Variants in AFG1L observed in about 807,000 individuals in gnomAD.
AFG1L encodes AFG1-like ATPase.
Under a neutral mutation model 62.2 loss-of-function variants are expected in AFG1L, and 53 were observed. The ratio of observed to expected loss-of-function variants is 0.85; its 90% CI spans 0.68 to 1.07. The LOEUF (loss-of-function observed/expected upper bound fraction) is 1.07. Among genes scored for constraint, AFG1L ranks in the 50% least tolerant of loss-of-function variants. AFG1L has a pLI of 0.00. For missense variants in AFG1L, 555 were observed against 590.5 expected, an observed-to-expected ratio of 0.94 and a Z score of 0.62; for synonymous variants, 228 against 210.3, an observed-to-expected ratio of 1.08 and a Z score of -0.73.
chr6:108,374,824 G>C (rs889022551), intron 6 of AFG1L, among the ~76,000 whole-genome samples: 1 of 152,016 alleles, frequency 6.6e-6, no homozygotes, highest in Admixed American at 6.6e-5. Flanking sequence ...GCTCCTTTTT[G>C]GTTCCATATG....
At chr6:108,517,532 C>T (rs570826348) in intron 11 of AFG1L, among the ~76,000 whole-genome samples, 1 of 152,286 alleles carries the variant, frequency 6.6e-6, no homozygotes, top group East Asian at 1.9e-4. Context: ...AAATGTCAGA[C>T]CTAAAACCAT....
intron 1 of AFG1L, among the ~76,000 whole-genome samples, chr6:108,298,972 C>T (rs149856860): frequency 1.7e-4 from 26 of 152,064 alleles, no homozygotes; most frequent in African/African-American, 6.0e-4. Flanking sequence ...ATAGAATTAA[C>T]ATACTTGGCC....
rs1775288497 is a variant in AFG1L, at chr6:108,525,460, A to G, written c.*3035A>G. The G allele has an allele frequency of 6.6e-6, 1 of 152,248 alleles. No individual in the cohort carries two copies. The highest frequency in any genetic ancestry group is 1.5e-5 in the Non-Finnish European group (1 of 68,034). The allele number at this position is 152,248 out of a possible 1,614,324, so 9.4% of individuals were successfully genotyped here. A position where few individuals can be genotyped will look rare whatever the true frequency, so the allele number is the denominator to read the frequency against. On this transcript the variant is annotated 3_prime_UTR_variant, in exon 13 of 13. Coordinates refer to ENST00000368977, the MANE Select transcript of AFG1L (RefSeq NM_145315.5). ...GGCAATACTTTTATCTTCTTAAAGT[A>G]TATTTCCTGTACTTATAAGTGTGCA...
intron 7 of AFG1L, among the ~76,000 whole-genome samples, chr6:108,428,788 G>A (rs1408412171): frequency 6.6e-6 from 1 of 152,026 alleles, no homozygotes; most frequent in Admixed American, 6.6e-5. Flanking sequence ...TTCAACTTTT[G>A]ATGAGATTAT....
intron 6 of AFG1L, among the ~76,000 whole-genome samples, chr6:108,374,516 T>C (rs1316154809): frequency 6.6e-6 from 1 of 152,064 alleles, no homozygotes; most frequent in African/African-American, 2.4e-5. Flanking sequence ...TTTTTGCATA[T>C]GGTGAAAGGT....
chr6:108,413,311 A>G (rs561307795), intron 7 of AFG1L, among the ~76,000 whole-genome samples: 1 of 152,262 alleles, frequency 6.6e-6, no homozygotes, highest in African/African-American at 2.4e-5. Context: ...CCCACATAAT[A>G]ATAATGGGAG....
At chr6:108,472,145 A>G (rs1407955418) in intron 8 of AFG1L, among the ~76,000 whole-genome samples, 3 of 152,202 alleles carry the variant, frequency 2.0e-5, no homozygotes, top group East Asian at 1.9e-4. Context: ...AAAAAAGTCA[A>G]ATACTTAGAA....
intron 10 of AFG1L, among the ~76,000 whole-genome samples, chr6:108,481,375 T>TTC (rs1364140126): frequency 6.6e-6 from 1 of 152,102 alleles, no homozygotes; most frequent in Non-Finnish European, 1.5e-5. Flanking sequence ...AAGACAGTGG[T>TTC]TCTCAAAATG....
intron 10 of AFG1L, among the ~76,000 whole-genome samples, chr6:108,481,096 C>A (rs1582645889): frequency 6.6e-6 from 1 of 152,198 alleles, no homozygotes. Context: ...CAGCCTCATC[C>A]CTTTGCCCAT....
At chr6:108,505,079 A>AT (rs34326858) in intron 10 of AFG1L, among the ~76,000 whole-genome samples, 71,627 of 142,668 alleles carry the variant, frequency 0.5, 17,871 homozygotes, top group South Asian at 0.57. Context: ...CTGAGCTTGG[A>AT]TTTTTTTTTT....
intron 10 of AFG1L, among the ~76,000 whole-genome samples, chr6:108,501,605 G>A (rs781340854): frequency 2.0e-4 from 31 of 152,234 alleles, no homozygotes; most frequent in Non-Finnish European, 3.8e-4. Context: ...TCTCCTTTAA[G>A]TCCTTAGAGT....
chr6:108,310,602 T>G (rs1272064809), intron 1 of AFG1L, among the ~76,000 whole-genome samples: 2 of 142,170 alleles, frequency 1.4e-5, no homozygotes, highest in Admixed American at 1.4e-4. Context: ...TGAGACAGAG[T>G]CTTGCTCTGT....
intron 6 of AFG1L, among the ~76,000 whole-genome samples, chr6:108,372,013 C>T (rs899335529): frequency 3.3e-5 from 5 of 151,994 alleles, no homozygotes; most frequent in African/African-American, 1.2e-4. Context: ...CCTCCTAGTC[C>T]TCCCAAAAGG....
At chr6:108,415,162 C>G (rs1782304952) in intron 7 of AFG1L, among the ~76,000 whole-genome samples, 1 of 152,148 alleles carries the variant, frequency 6.6e-6, no homozygotes. Flanking sequence ...GAGTGAACTC[C>G]CATTCACAGT....
intron 8 of AFG1L, among the ~76,000 whole-genome samples, chr6:108,466,785 ATATTT>A (rs1384600450): frequency 6.7e-6 from 1 of 148,198 alleles, no homozygotes; most frequent in Non-Finnish European, 1.5e-5. Flanking sequence ...AAAAATATAT[ATATTT>A]TAAACTATAT....
chr6:108,489,624 T>A (rs1292261912), intron 10 of AFG1L, among the ~76,000 whole-genome samples: 1 of 152,114 alleles, frequency 6.6e-6, no homozygotes, highest in Non-Finnish European at 1.5e-5. Flanking sequence ...CCAGGTATAC[T>A]TGAGAGATTG....
intron 1 of AFG1L, chr6:108,295,739 A>G (rs1279332647): frequency 6.6e-6 from 1 of 152,410 alleles, no homozygotes; most frequent in African/African-American, 2.4e-5. Flanking sequence ...TTATTTTGTC[A>G]CCGGGCTTTC....
chr6:108,427,658 A>G (rs1344714177), intron 7 of AFG1L, among the ~76,000 whole-genome samples: 1 of 151,326 alleles, frequency 6.6e-6, no homozygotes, highest in Admixed American at 6.6e-5. Flanking sequence ...AGTAGCTGGG[A>G]CTACAGGTGA....
intron 6 of AFG1L, among the ~76,000 whole-genome samples, chr6:108,372,100 T>C (rs1780034547): frequency 1.3e-5 from 2 of 151,686 alleles, no homozygotes; most frequent in African/African-American, 4.8e-5. Context: ...GTAGTACTAT[T>C]ATGTATGTAT....
Sources: allele counts gnomAD v4.1 joint callset (sites outside exome capture counted in the v4.1 genomes callset), GRCh38; gene constraint gnomAD v4.1.1; transcripts MANE v1.5; gene names NCBI Gene and HGNC (gene_info 2026-07-23, HGNC 2026-07-21).